The following HSD17B4 variants were observed in gnomAD, a reference collection of about 807,000 sequenced individuals.
The protein encoded by HSD17B4 is peroxisomal multifunctional enzyme type 2.
Under a neutral mutation model 101.0 loss-of-function variants are expected in HSD17B4, and 70 were observed. That is an observed-to-expected ratio of 0.69 (90% confidence interval 0.57 to 0.85). The LOEUF (loss-of-function observed/expected upper bound fraction) is 0.85. HSD17B4 is among the 40% of genes least tolerant of loss of function. The pLI is 0.00. For missense variants in HSD17B4, 984 were observed against 892.4 expected, an observed-to-expected ratio of 1.10 and a Z score of -1.31; for synonymous variants, 347 against 297.1, an observed-to-expected ratio of 1.17 and a Z score of -1.73.
chr5:119,471,586 A>G, intron 2 of HSD17B4: 2 of 730,024 alleles, frequency 2.7e-6, no homozygotes, highest in East Asian at 6.4e-5. Flanking sequence ...TTACATTTTC[A>G]TGTATACCAT....
chr5:119,468,653 C>T (rs1464707491), intron 2 of HSD17B4, among the ~76,000 whole-genome samples: 2 of 152,010 alleles, frequency 1.3e-5, no homozygotes, highest in Admixed American at 6.6e-5. Flanking sequence ...TATGGATGTC[C>T]ATCTTTCTTT....
At chr5:119,531,478 G>A in intron 22 of HSD17B4, 74 bp downstream of exon 22, 3 of 1,437,212 alleles carry the variant, frequency 2.1e-6, no homozygotes, top group Non-Finnish European at 2.9e-6. Context: ...AACAATTAAA[G>A]ACCTTTGAAG....
intron 2 of HSD17B4, among the ~76,000 whole-genome samples, chr5:119,460,138 G>T (rs940569191): frequency 6.6e-6 from 1 of 151,030 alleles, no homozygotes; most frequent in Non-Finnish European, 1.5e-5. Context: ...GCCTCCCAAA[G>T]TGCAGGGATT....
At chr5:119,476,245 T>A (rs1319289806) in intron 6 of HSD17B4, among the ~76,000 whole-genome samples, 2 of 152,162 alleles carry the variant, frequency 1.3e-5, no homozygotes, top group African/African-American at 4.8e-5. Flanking sequence ...GCAGGATATT[T>A]AAGGGAGTCT....
At chr5:119,476,648 A>G in intron 6 of HSD17B4, 1 of 985,454 alleles carries the variant, frequency 1.0e-6, no homozygotes, top group Non-Finnish European at 1.2e-6. Context: ...GGGGTAAAAA[A>G]GAAGCTGAGA....
At chr5:119,531,542 A>C (rs1754107069) in intron 22 of HSD17B4, 138 bp downstream of exon 22, 3 of 772,616 alleles carry the variant, frequency 3.9e-6, no homozygotes, top group Non-Finnish European at 6.4e-6. Context: ...CGTGGGAATG[A>C]ATAGGTTTGG....
At chr5:119,520,915 G>A (rs778691075) in intron 17 of HSD17B4, among the ~76,000 whole-genome samples, 9 of 151,838 alleles carry the variant, frequency 5.9e-5, no homozygotes, top group African/African-American at 1.9e-4. Context: ...CCCTCTTATT[G>A]TTCCCATTTT....
At chr5:119,533,345 G>A (rs1174941794) in intron 22 of HSD17B4, among the ~76,000 whole-genome samples, 2 of 151,092 alleles carry the variant, frequency 1.3e-5, no homozygotes, top group Non-Finnish European at 2.9e-5. Flanking sequence ...TGTCAGGAAA[G>A]GTGAAATACT....
Position 119,492,199 on chromosome 5 carries a change from T to G in HSD17B4, c.739+75T>G, listed in dbSNP as rs35370764. ...AACCTACATATCCAGTTGAGATGGG[T>G]AAGATTTTTGTCAAATGCCTAACCA... On this transcript the variant is annotated intron_variant, in intron 10 of 23. Transcript: ENST00000510025. The G allele has an allele frequency of 2.5e-4, 285 of 1,144,914 alleles. No individual in the cohort carries two copies. The African/African-American group carries it at 4.0e-3, about 16-fold the overall frequency. 70.9% of individuals were successfully genotyped at this position (1,144,914 alleles called of 1,614,324 possible).
intron 14 of HSD17B4, among the ~76,000 whole-genome samples, chr5:119,502,963 T>A (rs1364157589): frequency 2.0e-5 from 3 of 152,154 alleles, no homozygotes; most frequent in Non-Finnish European, 2.9e-5. Context: ...AGGCACAGTA[T>A]TAGGTAGTAG....
At chr5:119,456,247 G>C (rs1051046930) in intron 1 of HSD17B4, 68 bp from the exon 2 acceptor site, 2 of 935,280 alleles carry the variant, frequency 2.1e-6, no homozygotes, top group East Asian at 4.8e-5. Flanking sequence ...AATGGGGATT[G>C]AGTTGAGCGG....
chr5:119,474,364 G>T (rs755094438), intron 3 of HSD17B4, 37 bp from the exon 4 acceptor site: 5 of 1,394,138 alleles, frequency 3.6e-6, no homozygotes, highest in Non-Finnish European at 4.1e-6. Flanking sequence ...TGGAAGGGAG[G>T]TTGCCGAAAT....
At chr5:119,518,989 A>G (rs1246390690) in intron 17 of HSD17B4, among the ~76,000 whole-genome samples, 1 of 152,064 alleles carries the variant, frequency 6.6e-6, no homozygotes, top group Non-Finnish European at 1.5e-5. Flanking sequence ...TAATAAAAAA[A>G]TTAGCCGAGC....
Position 119,502,030 on chromosome 5 carries a change from C to T in HSD17B4, c.1210-11C>T, listed in dbSNP as rs779466683. On this transcript the variant is annotated splice_polypyrimidine_tract_variant and intron_variant, in intron 13 of 23. Coordinates refer to ENST00000510025, the MANE Select transcript of HSD17B4 (RefSeq NM_000414.4). ...AAGTTTGCTAATAAAATTTTGTTTA[C>T]CCTAACATAGGTTCTTCATGGAGAG... 1 of 1,591,066 alleles carries T rather than the reference C, an allele frequency of 6.3e-7. No homozygotes were observed. The highest frequency in any genetic ancestry group is 8.6e-7 in the Non-Finnish European group (1 of 1,159,462).
intron 2 of HSD17B4, among the ~76,000 whole-genome samples, chr5:119,459,523 G>A (rs945742265): frequency 6.6e-6 from 1 of 152,122 alleles, no homozygotes; most frequent in African/African-American, 2.4e-5. Flanking sequence ...TCTGTTTTCT[G>A]TTGCTTATAA....
At chr5:119,538,961 A>G (rs561379519) in intron 23 of HSD17B4, among the ~76,000 whole-genome samples, 1 of 152,330 alleles carries the variant, frequency 6.6e-6, no homozygotes, top group South Asian at 2.1e-4. Context: ...CTAGCCTAGA[A>G]TATTGCCTAG....
At chr5:119,528,356 C>A (rs191955462) in intron 20 of HSD17B4, among the ~76,000 whole-genome samples, 1 of 152,238 alleles carries the variant, frequency 6.6e-6, no homozygotes, top group East Asian at 1.9e-4. Context: ...ACTCCTAATT[C>A]CTTTCTGCTG....
At chr5:119,528,762 T>C (rs948422560) in intron 20 of HSD17B4, among the ~76,000 whole-genome samples, 1 of 152,200 alleles carries the variant, frequency 6.6e-6, no homozygotes, top group African/African-American at 2.4e-5. Context: ...AATGTCTAAA[T>C]ATAATGTATT....
At chr5:119,502,012 C>T in intron 13 of HSD17B4, 29 bp from the exon 14 acceptor site, 3 of 1,448,260 alleles carry the variant, frequency 2.1e-6, no homozygotes, top group Non-Finnish European at 2.9e-6. Context: ...AGAAAGTTTG[C>T]TAATAAAATT....
Sources: allele counts gnomAD v4.1 joint callset (sites outside exome capture counted in the v4.1 genomes callset), GRCh38; gene constraint gnomAD v4.1.1; transcripts MANE v1.5; gene names NCBI Gene and HGNC (gene_info 2026-07-23, HGNC 2026-07-21).